Variants in ARMC7 observed in about 807,000 individuals in gnomAD.
The protein encoded by ARMC7 is armadillo repeat-containing protein 7.
A neutral mutation model predicts 14.8 loss-of-function variants in ARMC7; 9 were observed. The observed-to-expected ratio is 0.61, with a 90% CI of 0.37 to 1.06. ARMC7 has a LOEUF of 1.06. Among genes scored for constraint, ARMC7 ranks in the 50% least tolerant of loss-of-function variants. The pLI is 0.01. For synonymous variants in ARMC7, 125 were observed against 123.4 expected, an observed-to-expected ratio of 1.01 and a Z score of -0.09; for missense variants, 262 against 267.1, an observed-to-expected ratio of 0.98 and a Z score of 0.13.
chr17:75,114,734 C>G (rs775261963), intron 2 of ARMC7: 3 of 397,562 alleles, frequency 7.5e-6, no homozygotes, highest in Non-Finnish European at 1.3e-5. Flanking sequence ...CACAGCAAGA[C>G]CCCCCCGCCC....
chr17:75,111,522 T>A (rs2073922791), intron 2 of ARMC7, among the ~76,000 whole-genome samples: 1 of 147,818 alleles, frequency 6.8e-6, no homozygotes, highest in South Asian at 2.1e-4. Context: ...AGCAGGGAGA[T>A]CACTTGAGTT....
rs762105491 is a variant in ARMC7 at position 75,129,330 on chromosome 17, C to T, written c.*292C>T. On this transcript the variant is annotated 3_prime_UTR_variant, in exon 3 of 3. Coordinates refer to ENST00000245543, the MANE Select transcript of ARMC7 (RefSeq NM_024585.4). ...CTCAGGCCCTGGTGTAAGAAGCGGC[C>T]AAGTGCCTGGACCCAGAGGCTTTGC... 2 of 487,748 alleles carry T rather than the reference C, an allele frequency of 4.1e-6. No homozygotes were observed. The highest frequency in any genetic ancestry group is 3.6e-6 in the Non-Finnish European group (1 of 274,278). 30.2% of individuals were successfully genotyped at this position (487,748 alleles called of 1,614,324 possible).
intron 2 of ARMC7, chr17:75,114,421 G>C: frequency 2.5e-6 from 1 of 395,458 alleles, no homozygotes; most frequent in Non-Finnish European, 4.5e-6. Flanking sequence ...GGGGCGGCGT[G>C]GGCCTGGGCT....
At chr17:75,124,735 G>A (rs2074038999) in intron 2 of ARMC7, among the ~76,000 whole-genome samples, 1 of 151,730 alleles carries the variant, frequency 6.6e-6, no homozygotes. Flanking sequence ...GGAGGGCCGA[G>A]GGGCAGAAGG....
intron 2 of ARMC7, among the ~76,000 whole-genome samples, chr17:75,115,228 T>C (rs778284403): frequency 2.0e-5 from 3 of 152,162 alleles, no homozygotes; most frequent in Non-Finnish European, 1.5e-5. Context: ...CTGAGTCAGA[T>C]TGCCCATGGC....
chr17:75,123,771 C>T (rs145028185), intron 2 of ARMC7, among the ~76,000 whole-genome samples: 8,729 of 151,826 alleles, frequency 0.057, 353 homozygotes, highest in Non-Finnish European at 0.091. Context: ...ATTAGCTGGG[C>T]GTGGTGGTGC....
At chr17:75,128,639 G>A (rs2074071642) in intron 2 of ARMC7, 38 bp from the exon 3 acceptor site, 1 of 1,579,342 alleles carries the variant, frequency 6.3e-7, no homozygotes, top group Non-Finnish European at 8.6e-7. Context: ...AGGAGGCCCG[G>A]GGCTACAGCA....
chr17:75,128,637 C>G, intron 2 of ARMC7, 40 bp from the exon 3 acceptor site: 1 of 1,573,266 alleles, frequency 6.4e-7, no homozygotes, highest in Non-Finnish European at 8.6e-7. Flanking sequence ...GGAGGAGGCC[C>G]GGGGCTACAG....
chr17:75,113,301 G>C lies in ARMC7; in HGVS notation c.235+2695G>C, dbSNP rs11867502. On this transcript the variant is annotated intron_variant, in intron 2 of 2. Coordinates refer to ENST00000245543, the MANE Select transcript of ARMC7 (RefSeq NM_024585.4). ...AGCCTCCCAAAGTGCTGGGGTTACA[G>C]TCGTGAGCCACCACACCTGGCCCAA... Among the ~76,000 whole-genome samples the C allele has an allele frequency of 5.6e-3, 846 of 150,648 alleles. 9 individuals carry two copies. The highest frequency in any genetic ancestry group is 0.019 in the African/African-American group (797 of 40,964).
chr17:75,129,900 G>C lies in ARMC7; in HGVS notation c.*862G>C, dbSNP rs1001886544. ...CCCACGAGGGCATCAGGGACGCAGT[G>C]AGTGTTGCTCAAGGGAGTCAGGAAG... On this transcript the variant is annotated 3_prime_UTR_variant, in exon 3 of 3. Transcript: ENST00000245543. The C allele has an allele frequency of 6.5e-6, 1 of 152,912 alleles. No homozygotes were observed. Among genetic ancestry groups the C allele is most frequent in the Non-Finnish European group, 1.5e-5 (1 of 68,634 alleles). 9.5% of individuals were successfully genotyped at this position (152,912 alleles called of 1,614,324 possible).
intron 2 of ARMC7, among the ~76,000 whole-genome samples, chr17:75,113,386 G>C (rs766944766): frequency 9.4e-5 from 14 of 148,950 alleles, no homozygotes; most frequent in Non-Finnish European, 1.8e-4. Context: ...ATGGAGTCTT[G>C]CTCTGTCGCC....
At chr17:75,120,923 A>G (rs981721830) in intron 2 of ARMC7, among the ~76,000 whole-genome samples, 2 of 152,038 alleles carry the variant, frequency 1.3e-5, no homozygotes, top group African/African-American at 4.8e-5. Context: ...GTGTACATCC[A>G]TGTAAGCAGC....
chr17:75,120,813 C>CAAAAAAA, intron 2 of ARMC7, among the ~76,000 whole-genome samples: 1 of 81,740 alleles, frequency 1.2e-5, no homozygotes, highest in Non-Finnish European at 2.8e-5. Context: ...GACTCGGTCT[C>CAAAAAAA]AAAAAAAAAA....
At chr17:75,126,280 A>G (rs932612241) in intron 2 of ARMC7, among the ~76,000 whole-genome samples, 10 of 152,156 alleles carry the variant, frequency 6.6e-5, no homozygotes, top group African/African-American at 2.4e-4. Flanking sequence ...TCTGTCCCCA[A>G]GGCTAAGAGG....
At chr17:75,126,591 T>C (rs1362459894) in intron 2 of ARMC7, among the ~76,000 whole-genome samples, 1 of 152,012 alleles carries the variant, frequency 6.6e-6, no homozygotes, top group African/African-American at 2.4e-5. Context: ...GTTTTTGTTT[T>C]TTTTTTTTGA....
chr17:75,120,042 C>T (rs1380071314), intron 2 of ARMC7, among the ~76,000 whole-genome samples: 2 of 152,090 alleles, frequency 1.3e-5, no homozygotes, highest in African/African-American at 4.8e-5. Context: ...GTAGCTGGGA[C>T]TACAGGTGAG....
chr17:75,114,547 T>G (rs1244485159), intron 2 of ARMC7: 4 of 394,254 alleles, frequency 1.0e-5, no homozygotes, highest in Non-Finnish European at 1.8e-5. Flanking sequence ...GTCCCGTCCC[T>G]TCTCCGAGCG....
Position 75,128,814 on chromosome 17 carries a change from C to G in ARMC7, c.373C>G (p.Leu125Val). 1 of 1,613,238 alleles carries G rather than the reference C, an allele frequency of 6.2e-7. No homozygotes were observed. Among genetic ancestry groups the G allele is most frequent in the Non-Finnish European group, 8.5e-7 (1 of 1,180,020 alleles). The change falls in exon 3 of 3, where the codon CTG (leucine) becomes GTG (valine). Residue 125 changes from leucine to valine, a missense_variant. Coordinates refer to ENST00000245543, the MANE Select transcript of ARMC7 (RefSeq NM_024585.4). ...GTCTGCCATCACCACGCTCATGCAC[C>G]TGAGCCCGCCGGGCCGCAGCTTTCT... ...VLSAITTLMH[L>V]SPPGRSFLPE...
rs778733298 is a variant in ARMC7 at position 75,128,833 on chromosome 17, G to T, written c.392G>T (p.Ser131Ile). The part of the protein sequence containing the change: ...TLMHLSPPGR[S>I]FLPELTATPV... ...ATGCACCTGAGCCCGCCGGGCCGCA[G>T]CTTTCTCCCAGAGCTGACCGCCACG... Residue 131 changes from serine to isoleucine, a missense_variant, in exon 3 of 3, where the codon AGC becomes ATC. Transcript: ENST00000245543. 2 of 1,613,210 alleles carry T rather than the reference G, an allele frequency of 1.2e-6. No homozygotes were observed. Among genetic ancestry groups the T allele is most frequent in the Non-Finnish European group, 1.7e-6 (2 of 1,180,010 alleles).
Sources: allele counts gnomAD v4.1 joint callset (sites outside exome capture counted in the v4.1 genomes callset), GRCh38; gene constraint gnomAD v4.1.1; transcripts MANE v1.5; gene names NCBI Gene and HGNC (gene_info 2026-07-23, HGNC 2026-07-21).